ZNF804B: variants seen among roughly 807,000 people sequenced by gnomAD.
The protein encoded by ZNF804B is zinc finger 804B.
A neutral mutation model predicts 101.4 loss-of-function variants in ZNF804B; 80 were observed. The observed-to-expected ratio is 0.79, with a 90% CI of 0.66 to 0.95. ZNF804B has a LOEUF of 0.95. ZNF804B is among the 40% of genes least tolerant of loss of function. The pLI, the probability that ZNF804B is intolerant of heterozygous loss-of-function variation, is 0.00. For synonymous variants in ZNF804B, 622 were observed against 558.8 expected (o/e 1.11, Z -1.59); for missense variants, 1,673 against 1,561.9 (o/e 1.07, Z -1.20).
chr7:89,218,258 ACAAT>A lies in ZNF804B; in HGVS notation c.215_218del (p.Asn72IlefsTer13). The A allele has an allele frequency of 6.2e-7, 1 of 1,613,822 alleles. No homozygotes were observed. The highest frequency in any genetic ancestry group is 8.5e-7 in the Non-Finnish European group (1 of 1,179,836). Reference sequence around the variant, plus strand: ...CAGTATCACAAACACCAGGAGTTTGACAATCATATTAATTCTTATGACCATGCTC... The same window carrying A: ...CAGTATCACAAACACCAGGAGTTTGACATATTAATTCTTATGACCATGCTC... On this transcript the variant is annotated frameshift_variant, in exon 2 of 4. Coordinates refer to ENST00000333190, the MANE Select transcript of ZNF804B (RefSeq NM_181646.5). LOFTEE classifies it high-confidence loss of function.
intron 1 of ZNF804B, among the ~76,000 whole-genome samples, chr7:89,195,954 A>G (rs1788543090): frequency 6.6e-6 from 1 of 152,168 alleles, no homozygotes; most frequent in African/African-American, 2.4e-5. Context: ...AGAAGAATCA[A>G]CATCATGAAA....
At chr7:89,059,904 T>TG (rs71120054) in intron 1 of ZNF804B, among the ~76,000 whole-genome samples, 152,115 of 152,118 alleles carry the variant, frequency 1, 76,056 homozygotes, top group Middle Eastern at 1. Flanking sequence ...TCTAATTGGC[T>TG]GGGCCTGGAG....
chr7:89,334,623 A>C lies in ZNF804B; in HGVS notation c.1641A>C (p.Lys547Asn). The C allele has an allele frequency of 6.2e-7, 1 of 1,613,802 alleles. No homozygotes were observed. Among genetic ancestry groups the C allele is most frequent in the Non-Finnish European group, 8.5e-7 (1 of 1,179,840 alleles). Residue 547 changes from lysine (K) to asparagine (N), a missense_variant, in exon 4 of 4, where the codon AAA becomes AAC. By Grantham distance (94) the Lys-to-Asn change is moderately conservative (BLOSUM62 0). Transcript: ENST00000333190. ...TGATAGCTAATCCGGATTGGGAAAA[A>C]TTCCAGAGGAAATATAATTTGGACT... ...KTMIANPDWEKFQRKYNLDYS... is the reference protein window; with the variant it reads ...KTMIANPDWENFQRKYNLDYS...
chr7:89,246,126 A>G lies in ZNF804B; in HGVS notation c.249+27831A>G, dbSNP rs189893053. On this transcript the variant is annotated intron_variant, in intron 2 of 3. Coordinates refer to ENST00000333190, the MANE Select transcript of ZNF804B (RefSeq NM_181646.5). ...GGCATTTTAGTCTTGGGGCAGAGAT[A>G]GAAGTACCTGCTGTGGACCAGGGTA... Among the ~76,000 whole-genome samples, 59 of 152,308 alleles carry G rather than the reference A, an allele frequency of 3.9e-4. No homozygotes were observed. In the East Asian group the frequency reaches 7.2e-3, roughly 18 times the overall value.
rs1279186784 is a variant in ZNF804B at position 89,048,230 on chromosome 7, G to C, written c.109-169925G>C. Among the ~76,000 whole-genome samples the C allele has an allele frequency of 2.0e-4, 24 of 121,722 alleles. No homozygotes were observed. The Admixed American group carries it at 2.0e-3, about 10-fold the overall frequency. 79.9% of individuals were successfully genotyped at this position (121,722 alleles called of 152,430 possible). On this transcript the variant is annotated intron_variant, in intron 1 of 3. Coordinates refer to ENST00000333190, the MANE Select transcript of ZNF804B (RefSeq NM_181646.5). ...CACACACACACACACACACACAATG[G>C]AATACTACTCAGCTGTAAAAAGGAA... is the stretch of plus-strand genomic sequence containing the variant.
intron 1 of ZNF804B, among the ~76,000 whole-genome samples, chr7:89,063,460 A>G (rs1245719700): frequency 1.3e-5 from 2 of 152,218 alleles, no homozygotes; most frequent in Non-Finnish European, 2.9e-5. Flanking sequence ...CAAATCACCA[A>G]TCAACAGATA....
At chr7:88,839,751 C>T (rs1035219522) in intron 1 of ZNF804B, among the ~76,000 whole-genome samples, 8 of 151,618 alleles carry the variant, frequency 5.3e-5, no homozygotes, top group East Asian at 3.9e-4. Context: ...GGTTCTTCAC[C>T]GAGAGCAGGT....
intron 2 of ZNF804B, among the ~76,000 whole-genome samples, chr7:89,218,945 C>T (rs372205129): frequency 1.3e-5 from 2 of 151,550 alleles, no homozygotes; most frequent in Non-Finnish European, 2.9e-5. Context: ...TGGCAGAGGT[C>T]AAAGAAAATC....
At chr7:89,112,820 C>T (rs947160822) in intron 1 of ZNF804B, among the ~76,000 whole-genome samples, 3 of 152,036 alleles carry the variant, frequency 2.0e-5, no homozygotes, top group Admixed American at 6.6e-5. Flanking sequence ...CAACTAGGTG[C>T]GTCTTGACCC....
At chr7:89,048,203 A>AACACACACACACACAC (rs140428820) in intron 1 of ZNF804B, among the ~76,000 whole-genome samples, 5 of 149,696 alleles carry the variant, frequency 3.3e-5, no homozygotes, top group African/African-American at 1.2e-4. Context: ...GATGTTCACA[A>AACACACACACACACAC]ACACACACAC....
chr7:88,799,670 T>C (rs1361714151), intron 1 of ZNF804B, among the ~76,000 whole-genome samples: 1 of 152,106 alleles, frequency 6.6e-6, no homozygotes, highest in East Asian at 1.9e-4. Context: ...GTGATATCAT[T>C]AGGCACTATA....
At chr7:89,153,326 C>T (rs1790905548) in intron 1 of ZNF804B, among the ~76,000 whole-genome samples, 1 of 151,674 alleles carries the variant, frequency 6.6e-6, no homozygotes, top group Non-Finnish European at 1.5e-5. Flanking sequence ...GCTCTCAGAT[C>T]TTCCCGTCTC....
rs114773051 is a variant in ZNF804B at position 89,241,549 on chromosome 7, A to G, written c.249+23254A>G. ...TAAATAAATGTGCAGAACCTGATTC[A>G]TAATAGGTACTCTAATACTATTGTA... On this transcript the variant is annotated intron_variant, in intron 2 of 3. Transcript: ENST00000333190. 5.9e-3 allele frequency among the ~76,000 whole-genome samples: 892 copies of G among 152,272 alleles called. 9 individuals carry two copies. The highest frequency in any genetic ancestry group is 0.017 in the Middle Eastern group (5 of 294).
At chr7:88,762,106 T>C (rs1338875063) in intron 1 of ZNF804B, among the ~76,000 whole-genome samples, 2 of 152,240 alleles carry the variant, frequency 1.3e-5, no homozygotes, top group Admixed American at 6.5e-5. Flanking sequence ...ATCTACACTT[T>C]GACTCACTGG....
Position 89,102,271 on chromosome 7 carries a change from G to T in ZNF804B, c.109-115884G>T, listed in dbSNP as rs1790067206. Among the ~76,000 whole-genome samples the T allele has an allele frequency of 2.0e-5, 3 of 152,016 alleles. No homozygotes were observed. The South Asian group carries it at 6.2e-4, about 31-fold the overall frequency. ...CCAAACTGTTTTTTCCATAGAGGTT[G>T]AATTAATTTGCATTCCCACCAACAG... On this transcript the variant is annotated intron_variant, in intron 1 of 3. Transcript: ENST00000333190.
At chr7:88,805,036 G>A (rs1790663914) in intron 1 of ZNF804B, among the ~76,000 whole-genome samples, 1 of 152,096 alleles carries the variant, frequency 6.6e-6, no homozygotes, top group Non-Finnish European at 1.5e-5. Flanking sequence ...AGTGGATAAA[G>A]TGGTGTTAGA....
At chr7:89,220,124 TA>T (rs1788978583) in intron 2 of ZNF804B, among the ~76,000 whole-genome samples, 1 of 127,664 alleles carries the variant, frequency 7.8e-6, no homozygotes, top group African/African-American at 3.2e-5. Flanking sequence ...TACATATATA[TA>T]CGCACACATA....
intron 1 of ZNF804B, among the ~76,000 whole-genome samples, chr7:88,829,243 C>A (rs909041790): frequency 6.6e-6 from 1 of 151,954 alleles, no homozygotes; most frequent in African/African-American, 2.4e-5. Flanking sequence ...GGTGTGTGTC[C>A]CTGCACCTGA....
chr7:88,853,311 A>G (rs548681741), intron 1 of ZNF804B, among the ~76,000 whole-genome samples: 3 of 152,244 alleles, frequency 2.0e-5, no homozygotes, highest in Admixed American at 6.6e-5. Context: ...GAGGAACACA[A>G]TTGGAAGCAG....
Sources: gnomAD v4.1 joint callset for allele counts (sites outside exome capture counted in the v4.1 genomes callset) on GRCh38, gnomAD v4.1.1 for gene constraint, MANE v1.5 for transcripts, NCBI Gene and HGNC (gene_info 2026-07-23, HGNC 2026-07-21) for gene names.